The following ITGA9 variants were observed in gnomAD, a reference collection of about 807,000 sequenced individuals.
ITGA9 encodes the protein integrin alpha-9.
ITGA9 carries 56 observed loss-of-function variants against 127.8 expected under a neutral mutation model. That is an observed-to-expected ratio of 0.44 (90% CI 0.35 to 0.55). The LOEUF (loss-of-function observed/expected upper bound fraction) is 0.55. Among genes scored for constraint, ITGA9 ranks in the 20% least tolerant of loss-of-function variants. The pLI is 0.00. For synonymous variants in ITGA9, 508 were observed against 514.5 expected (o/e 0.99, Z 0.17); for missense variants, 1,196 against 1,347.1 (o/e 0.89, Z 1.76).
intron 15 of ITGA9, among the ~76,000 whole-genome samples, chr3:37,619,084 C>T (rs1196074813): frequency 6.6e-6 from 1 of 152,186 alleles, no homozygotes; most frequent in Non-Finnish European, 1.5e-5. Context: ...GGAGCTGTTC[C>T]TATTTGGCCG....
At chr3:37,810,271 A>G (rs752762924) in intron 27 of ITGA9, among the ~76,000 whole-genome samples, 13 of 152,224 alleles carry the variant, frequency 8.5e-5, no homozygotes, top group Non-Finnish European at 1.5e-4. Context: ...CGCCGCATTC[A>G]CAGCACCACA....
chr3:37,631,695 A>T (rs1159901901), intron 16 of ITGA9, among the ~76,000 whole-genome samples: 1 of 152,214 alleles, frequency 6.6e-6, no homozygotes, highest in Non-Finnish European at 1.5e-5. Flanking sequence ...GAGAAGCTGC[A>T]GCCACAGCCA....
intron 17 of ITGA9, among the ~76,000 whole-genome samples, chr3:37,675,820 T>G (rs1700676231): frequency 6.8e-6 from 1 of 147,144 alleles, no homozygotes; most frequent in African/African-American, 2.5e-5. Flanking sequence ...CTCGGCTCAC[T>G]GCAATTTCTG....
At chr3:37,470,907 G>A (rs771957693) in intron 1 of ITGA9, 100 bp from the exon 2 acceptor site, 3 of 1,175,648 alleles carry the variant, frequency 2.6e-6, no homozygotes, top group Admixed American at 3.4e-5. Context: ...TTCAAAGTGA[G>A]CACTCAGAGA....
intron 5 of ITGA9, among the ~76,000 whole-genome samples, chr3:37,500,888 G>A (rs918507826): frequency 2.6e-5 from 4 of 152,178 alleles, no homozygotes; most frequent in Non-Finnish European, 5.9e-5. Flanking sequence ...CACAGCATCT[G>A]TTATCCCCAT....
chr3:37,698,433 T>C (rs957649713), intron 18 of ITGA9, among the ~76,000 whole-genome samples: 6 of 152,202 alleles, frequency 3.9e-5, no homozygotes, highest in African/African-American at 7.2e-5. Flanking sequence ...CTGAATGATA[T>C]TGCCTAGGTT....
intron 26 of ITGA9, chr3:37,789,823 A>C (rs1298197745): frequency 3.0e-6 from 1 of 334,848 alleles, no homozygotes; most frequent in Non-Finnish European, 5.6e-6. Flanking sequence ...AGAGCATTAA[A>C]CATTTGGTAA....
intron 14 of ITGA9, among the ~76,000 whole-genome samples, chr3:37,537,920 G>A (rs894292939): frequency 6.6e-6 from 1 of 152,242 alleles, no homozygotes; most frequent in Admixed American, 6.5e-5. Flanking sequence ...GGAACAGCCT[G>A]TGGCCCCTTG....
intron 8 of ITGA9, among the ~76,000 whole-genome samples, chr3:37,512,044 CTTTCTTTCTTTCTTTCTTTCTTTCTTTCT>C (rs1698920109): frequency 7.7e-5 from 2 of 25,996 alleles, no homozygotes; most frequent in African/African-American, 2.0e-4. Context: ...TTCTTTCTTT[CTTTCTTTCTTTCTTTCTTTCTTTCTTTCT>C]TTCCTTCCTT....
chr3:37,472,006 A>G (rs946857352), intron 2 of ITGA9, among the ~76,000 whole-genome samples: 1 of 152,210 alleles, frequency 6.6e-6, no homozygotes, highest in African/African-American at 2.4e-5. Context: ...GTGAGCTGAG[A>G]TTGTGCCACT....
intron 25 of ITGA9, among the ~76,000 whole-genome samples, chr3:37,784,521 T>G (rs1697015561): frequency 6.6e-6 from 1 of 152,110 alleles, no homozygotes; most frequent in South Asian, 2.1e-4. Flanking sequence ...AAAGAAAGAG[T>G]TAAAAGCAAC....
chr3:37,577,540 A>T (rs562206986), intron 15 of ITGA9, among the ~76,000 whole-genome samples: 1 of 152,360 alleles, frequency 6.6e-6, no homozygotes, highest in South Asian at 2.1e-4. Flanking sequence ...TACCCTTAAA[A>T]GGCATAAAAA....
rs547799135 is a variant in ITGA9 at position 37,505,802 on chromosome 3, G to T, written c.743-198G>T. On this transcript the variant is annotated intron_variant, in intron 6 of 27. Coordinates refer to ENST00000264741, the MANE Select transcript of ITGA9 (RefSeq NM_002207.3). The stretch of plus-strand genomic sequence containing the variant: ...CTCAGAAAGCCCTCTTTCCTGCCCT[G>T]ATATCCTTGTGAACATGACTTTTTG... Among the ~76,000 whole-genome samples the T allele has an allele frequency of 3.4e-4, 52 of 152,320 alleles. 1 individual carries two copies. The highest frequency in any genetic ancestry group is 9.8e-4 in the Admixed American group (15 of 15,304).
At chr3:37,609,361 A>G (rs1222021574) in intron 15 of ITGA9, among the ~76,000 whole-genome samples, 1 of 152,164 alleles carries the variant, frequency 6.6e-6, no homozygotes, top group Non-Finnish European at 1.5e-5. Context: ...TAAGCTCCCC[A>G]TGACGCAAGA....
At chr3:37,714,431 G>T (rs1363081998) in intron 18 of ITGA9, among the ~76,000 whole-genome samples, 1 of 152,210 alleles carries the variant, frequency 6.6e-6, no homozygotes, top group African/African-American at 2.4e-5. Context: ...CTGGTGGCTG[G>T]TGAGGAGTCC....
chr3:37,582,341 G>T (rs577633866), intron 15 of ITGA9, among the ~76,000 whole-genome samples: 39 of 152,302 alleles, frequency 2.6e-4, no homozygotes, highest in Non-Finnish European at 4.7e-4. Flanking sequence ...ATGGGCAGGG[G>T]ATTTTATTTC....
At chr3:37,744,719 C>T (rs1174919391) in intron 22 of ITGA9, among the ~76,000 whole-genome samples, 2 of 152,250 alleles carry the variant, frequency 1.3e-5, no homozygotes, top group African/African-American at 4.8e-5. Flanking sequence ...GCCATTTGGC[C>T]TCTGCAGCAT....
At chr3:37,702,348 C>G (rs1700956148) in intron 18 of ITGA9, among the ~76,000 whole-genome samples, 1 of 152,164 alleles carries the variant, frequency 6.6e-6, no homozygotes, top group African/African-American at 2.4e-5. Context: ...ACACTTCTCC[C>G]AGATGAAGAT....
chr3:37,612,335 T>A (rs1459354379), intron 15 of ITGA9, among the ~76,000 whole-genome samples: 1 of 152,206 alleles, frequency 6.6e-6, no homozygotes, highest in African/African-American at 2.4e-5. Flanking sequence ...GTTATCAAAA[T>A]TTTTAAAGAC....
Sources: allele counts gnomAD v4.1 joint callset (sites outside exome capture counted in the v4.1 genomes callset), GRCh38; gene constraint gnomAD v4.1.1; transcripts MANE v1.5; gene names NCBI Gene and HGNC (gene_info 2026-07-23, HGNC 2026-07-21).